Variants in TUSC3 observed in about 807,000 individuals in gnomAD.
The protein encoded by TUSC3 is dolichyl-diphosphooligosaccharide--protein glycosyltransferase subunit TUSC3.
TUSC3 carries 45 observed loss-of-function variants against 44.8 expected under a neutral mutation model. That is an observed-to-expected ratio of 1.00 (90% confidence interval 0.79 to 1.29). The LOEUF is 1.29. Ranked by LOEUF, TUSC3 falls within the 50% of genes most tolerant of loss-of-function variation. TUSC3 has a pLI of 0.00. For missense variants in TUSC3, 519 were observed against 437.9 expected (o/e 1.19, Z -1.65); for synonymous variants, 212 against 152.9 (o/e 1.39, Z -2.85).
At chr8:15,851,598 C>G in the TUSC3 span, among the ~76,000 whole-genome samples, 21 of 152,316 alleles carry the variant, frequency 1.4e-4, no homozygotes, top group African/African-American at 4.8e-4. Flanking sequence ...TGGCGAGGGA[C>G]TGAACCTTGA....
chr8:15,790,537 G>A, the TUSC3 span, among the ~76,000 whole-genome samples: 1 of 151,972 alleles, frequency 6.6e-6, no homozygotes, highest in Non-Finnish European at 1.5e-5. Context: ...TTGTACTAAT[G>A]GGCATTGAGG....
chr8:15,437,720 C>G (rs146954096), intron 1 of TUSC3, among the ~76,000 whole-genome samples: 66 of 152,266 alleles, frequency 4.3e-4, no homozygotes, highest in African/African-American at 1.6e-3. Flanking sequence ...CAGCTGCACC[C>G]TTTGGAAGCA....
chr8:15,519,929 C>G (rs1801272044), intron 2 of TUSC3, among the ~76,000 whole-genome samples: 1 of 152,124 alleles, frequency 6.6e-6, no homozygotes, highest in South Asian at 2.1e-4. Flanking sequence ...TCTCAATATA[C>G]CTAAATGGAG....
chr8:15,589,879 A>G (rs750156532), intron 1 of TUSC3, among the ~76,000 whole-genome samples: 3 of 152,218 alleles, frequency 2.0e-5, no homozygotes, highest in African/African-American at 7.2e-5. Context: ...CGAAATAAGT[A>G]TAAATTCTCA....
At chr8:15,673,916 A>G in intron 6 of TUSC3, 80 bp downstream of exon 6, 1 of 1,225,408 alleles carries the variant, frequency 8.2e-7, no homozygotes, top group Middle Eastern at 1.9e-4. Flanking sequence ...TTTAGTATTT[A>G]GTAGGAAAAG....
chr8:15,829,124 G>A, the TUSC3 span, among the ~76,000 whole-genome samples: 4 of 151,408 alleles, frequency 2.6e-5, no homozygotes, highest in East Asian at 1.9e-4. Context: ...ATTCTATGTC[G>A]TTCTATGGTA....
intron 2 of TUSC3, among the ~76,000 whole-genome samples, chr8:15,524,226 A>G (rs1801343234): frequency 6.6e-6 from 1 of 152,130 alleles, no homozygotes; most frequent in African/African-American, 2.4e-5. Flanking sequence ...AATATTAAAT[A>G]GGAGTTAATT....
chr8:15,476,801 A>G (rs1306117164), intron 1 of TUSC3, among the ~76,000 whole-genome samples: 1 of 152,158 alleles, frequency 6.6e-6, no homozygotes, highest in Non-Finnish European at 1.5e-5. Flanking sequence ...CTTGGTGTAC[A>G]CCCCATGCAA....
At position 15,466,955 on chromosome 8, in the gene TUSC3, G is replaced by T. The variant is rs539462673; in HGVS notation, n.92-16431G>T. On this transcript the variant is annotated intron_variant and non_coding_transcript_variant, in intron 1 of 5. Coordinates refer to the TUSC3 transcript ENST00000503191. ...CTTTAGCATAATGGAATTAGTTCCT[G>T]AGTACAGTATTTAAATTCATGACTT... Among the ~76,000 whole-genome samples, 24 of 152,066 alleles carry T rather than the reference G, an allele frequency of 1.6e-4. No homozygotes were observed. The South Asian group carries it at 4.6e-3, about 29-fold the overall frequency.
intron 2 of TUSC3, among the ~76,000 whole-genome samples, chr8:15,519,250 A>T (rs7003485): frequency 0.082 from 12,449 of 152,220 alleles, 623 homozygotes; most frequent in Middle Eastern, 0.14. Context: ...TTTAGAGATA[A>T]AATCCTAATT....
chr8:15,636,047 A>G (rs1403956033), intron 2 of TUSC3, among the ~76,000 whole-genome samples: 2 of 152,236 alleles, frequency 1.3e-5, no homozygotes, highest in Non-Finnish European at 2.9e-5. Flanking sequence ...GGCAACAGTC[A>G]GTACAAATGT....
the TUSC3 span, among the ~76,000 whole-genome samples, chr8:15,850,313 G>T: frequency 6.6e-6 from 1 of 152,044 alleles, no homozygotes; most frequent in Admixed American, 6.6e-5. Context: ...TAACCTCAAA[G>T]TATTTGTTCT....
rs989047120 is a variant in TUSC3, at chr8:15,737,849, C to A, written c.863-5689C>A. 2.0e-5 allele frequency among the ~76,000 whole-genome samples: 3 copies of A among 152,104 alleles called. No individual in the cohort carries two copies. The East Asian group carries it at 5.8e-4, about 29-fold the overall frequency. ...GTGAGAGATGATCATCTAGCTTCTT[C>A]CTGCATATAAAAATTAAGATTTTTA... On this transcript the variant is annotated intron_variant, in intron 7 of 10. Transcript: ENST00000503731.
At chr8:15,798,649 T>TGG in the TUSC3 span, among the ~76,000 whole-genome samples, 503 of 147,260 alleles carry the variant, frequency 3.4e-3, 3 homozygotes, top group African/African-American at 0.012. Flanking sequence ...CCTGGGTGTG[T>TGG]GGGGGGGGTC....
At chr8:15,489,588 G>A (rs1274418790) in intron 2 of TUSC3, among the ~76,000 whole-genome samples, 1 of 152,168 alleles carries the variant, frequency 6.6e-6, no homozygotes, top group East Asian at 1.9e-4. Context: ...TTTGGGGTGA[G>A]ATATTTCATT....
chr8:15,492,041 C>A (rs558346406), intron 2 of TUSC3, among the ~76,000 whole-genome samples: 1 of 152,164 alleles, frequency 6.6e-6, no homozygotes, highest in East Asian at 1.9e-4. Flanking sequence ...TCCTGAAATG[C>A]CTTTACTCCT....
At chr8:15,695,344 C>G (rs945371341) in intron 6 of TUSC3, among the ~76,000 whole-genome samples, 3 of 152,110 alleles carry the variant, frequency 2.0e-5, no homozygotes, top group Admixed American at 1.3e-4. Flanking sequence ...ACAGGAGTTC[C>G]CCTGCATTAA....
At chr8:15,818,028 A>C in the TUSC3 span, among the ~76,000 whole-genome samples, 4 of 152,100 alleles carry the variant, frequency 2.6e-5, no homozygotes, top group African/African-American at 9.6e-5. Context: ...AAGGAAGAAC[A>C]AGTAGCAGTC....
chr8:15,466,453 G>T (rs1800415620), intron 1 of TUSC3, among the ~76,000 whole-genome samples: 1 of 152,054 alleles, frequency 6.6e-6, no homozygotes, highest in Non-Finnish European at 1.5e-5. Context: ...AAAGATGAGT[G>T]CCCAATGTAG....
Sources: allele counts gnomAD v4.1 joint callset (sites outside exome capture counted in the v4.1 genomes callset), GRCh38; gene constraint gnomAD v4.1.1; transcripts MANE v1.5; gene names NCBI Gene and HGNC (gene_info 2026-07-23, HGNC 2026-07-21).